Variants in EBP observed in about 807,000 individuals in gnomAD.
The protein encoded by EBP is 3-beta-hydroxysteroid-Delta(8),Delta(7)-isomerase.
In EBP, 1 loss-of-function variant was observed where a neutral mutation model predicts 14.1. The ratio of observed to expected loss-of-function variants is 0.07; its 90% CI spans 0.03 to 0.34. The LOEUF (loss-of-function observed/expected upper bound fraction) is 0.34, where lower values mean the gene tolerates loss of function less well. Ranked by LOEUF, EBP falls within the 10% of genes least tolerant of loss-of-function variation. EBP has a pLI of 0.99. For synonymous variants in EBP, 72 were observed against 77.7 expected, an observed-to-expected ratio of 0.93 and a Z score of 0.38; for missense variants, 123 against 184.6, an observed-to-expected ratio of 0.67 and a Z score of 1.93.
chrX:48,526,884 T>C, intron 2 of EBP, 105 bp from the exon 3 acceptor site: 3 of 914,346 alleles, frequency 3.3e-6, no homozygotes, highest in South Asian at 3.9e-5. Context: ...AGCAGACGCA[T>C]GGGAAGGTTA....
chrX:48,523,752 A>G lies in EBP; in HGVS notation c.-20A>G, dbSNP rs781869569. ...TTTAACTTCCTGCCTATACACACGCAGCCATCAGCCCACAAAGACATGACT... is the reference window on the plus strand; with the variant it reads ...TTTAACTTCCTGCCTATACACACGCGGCCATCAGCCCACAAAGACATGACT... On this transcript the variant is annotated 5_prime_UTR_variant, in exon 2 of 5. Transcript: ENST00000495186. 2.5e-5 allele frequency: 29 copies of G among 1,165,843 alleles called. No individual in the cohort carries two copies. Among genetic ancestry groups the G allele is most frequent in the Non-Finnish European group, 3.1e-5 (27 of 871,141 alleles).
At position 48,528,276 on chromosome X, in the gene EBP, G is replaced by A. The variant is rs144209735; in HGVS notation, c.512G>A (p.Arg171His). The change falls in exon 5 of 5, where the codon CGC becomes CAC. Residue 171 changes from arginine (R) to histidine (H), a missense_variant. Physicochemically the swap from Arg to His is conservative, Grantham distance 29. Transcript: ENST00000495186. ...GDVLYFLTEH[R>H]DGFQHGELGH... ...GTGCTCTACTTCCTGACAGAGCACC[G>A]CGACGGATTCCAGCACGGAGAGCTG... The A allele has an allele frequency of 9.6e-5, 116 of 1,209,898 alleles. No individual in the cohort carries two copies. In the African/African-American group the frequency reaches 1.6e-3, roughly 17 times the overall value.
rs181299601 is a variant in EBP at position 48,526,977 on chromosome X, T to C, written c.302-12T>C. The C allele has an allele frequency of 6.4e-5, 77 of 1,209,961 alleles. No individual in the cohort carries two copies. The East Asian group carries it at 2.2e-3, about 35-fold the overall frequency. ...GCCTTTATTCTTCATATCTCTCTCTTCTTTTCTTCAGGGAAAGAGTATGCC... is the reference window on the plus strand; with the variant it reads ...GCCTTTATTCTTCATATCTCTCTCTCCTTTTCTTCAGGGAAAGAGTATGCC... On this transcript the variant is annotated splice_polypyrimidine_tract_variant and intron_variant, in intron 2 of 4. Coordinates refer to ENST00000495186, the MANE Select transcript of EBP (RefSeq NM_006579.3).
intron 2 of EBP, among the ~76,000 whole-genome samples, chrX:48,526,342 C>CT (rs143091554): frequency 0.024 from 2,150 of 89,094 alleles, 79 homozygotes; most frequent in African/African-American, 0.07. Context: ...TTCTTTCTTT[C>CT]TTTTTTTTTT....
chrX:48,528,220 C>T lies in EBP; in HGVS notation c.470-14C>T, dbSNP rs1556977733. 4.2e-6 allele frequency: 5 copies of T among 1,202,881 alleles called. No homozygotes were observed. The highest frequency in any genetic ancestry group is 4.6e-4 in the Middle Eastern group (2 of 4,329). On this transcript the variant is annotated splice_polypyrimidine_tract_variant and intron_variant, in intron 4 of 4. Transcript: ENST00000495186. The stretch of plus-strand genomic sequence containing the variant: ...CCTCACTGGGGCTTCTCCTTCCCCT[C>T]CTGCCACCCACAGGCCAGATCTATG...
rs552266270 is a variant in EBP at position 48,528,604 on chromosome X, G to A, written c.*147G>A. ...GGGCAGGCACAAGAAGGGGAATAAA[G>A]GGGCTGTGTGAAGGCACTGCTGGGA... On this transcript the variant is annotated 3_prime_UTR_variant, in exon 5 of 5. Coordinates refer to ENST00000495186, the MANE Select transcript of EBP (RefSeq NM_006579.3). 1.0e-3 allele frequency: 567 copies of A among 553,632 alleles called. 3 individuals carry two copies. The South Asian group carries it at 0.011, about 11-fold the overall frequency. 45.6% of individuals were successfully genotyped at this position (553,632 alleles called of 1,213,427 possible).
rs183610626 is a variant in EBP at position 48,521,847 on chromosome X, G to C, written c.-134G>C. 103 of 113,923 alleles carry C rather than the reference G, an allele frequency of 9.0e-4. No homozygotes were observed. Among genetic ancestry groups the C allele is most frequent in the Non-Finnish European group, 1.1e-3 (58 of 53,394 alleles). The allele number at this position is 113,923 out of a possible 1,213,427, so 9.4% of individuals were successfully genotyped here. ...CCGAACTAGGGATGTGACAGAGCGC[G>C]AGACCCAGCCTAAAGAGAGCCCGGA... is the stretch of plus-strand genomic sequence containing the variant. On this transcript the variant is annotated 5_prime_UTR_variant, in exon 1 of 5. Coordinates refer to ENST00000495186, the MANE Select transcript of EBP (RefSeq NM_006579.3).
chrX:48,527,334 G>T (rs782154327), intron 4 of EBP, 49 bp downstream of exon 4: 2 of 1,208,111 alleles, frequency 1.7e-6, no homozygotes, highest in Non-Finnish European at 1.1e-6. Context: ...GGGTTGATGG[G>T]GGATCCACAG....
chrX:48,527,659 G>A (rs1556977661), intron 4 of EBP: 1 of 230,546 alleles, frequency 4.3e-6, no homozygotes, highest in Non-Finnish European at 7.8e-6. Flanking sequence ...AGGCCAGAGT[G>A]CTATGGTGTG....
intron 3 of EBP, 27 bp downstream of exon 3, chrX:48,527,052 A>G (rs782274637): frequency 8.3e-7 from 1 of 1,211,292 alleles, no homozygotes; most frequent in South Asian, 1.8e-5. Flanking sequence ...GTCAATGGAG[A>G]CTGGCATTGG....
Position 48,526,882 on chromosome X carries a change from C to T in EBP, c.302-107C>T, listed in dbSNP as rs781925870. The T allele has an allele frequency of 7.9e-6, 7 of 891,430 alleles. No individual in the cohort carries two copies. In the East Asian group the frequency reaches 1.9e-4, roughly 24 times the overall value. The allele number at this position is 891,430 out of a possible 1,213,427, so 73.5% of individuals were successfully genotyped here. On this transcript the variant is annotated intron_variant, in intron 2 of 4. Transcript: ENST00000495186. ...CATTTCACGGATGAGGAAGCAGACG[C>T]ATGGGAAGGTTATGAAGTCTGTCTT...
chrX:48,522,173 T>C (rs2061764371), intron 1 of EBP: 1 of 112,907 alleles, frequency 8.9e-6, no homozygotes, highest in Non-Finnish European at 1.9e-5. Context: ...GGCCTTTCAA[T>C]ATCCGTCTCT....
Position 48,523,900 on chromosome X carries a change from C to T in EBP, c.129C>T (p.Val43=), listed in dbSNP as rs782150594. 4.6e-5 allele frequency: 56 copies of T among 1,209,040 alleles called. No individual in the cohort carries two copies. The highest frequency in any genetic ancestry group is 6.0e-5 in the Non-Finnish European group (54 of 895,086). The change falls in exon 2 of 5, where the codon GTC becomes GTT. Residue 43 remains valine (V), a synonymous_variant. Transcript: ENST00000495186. Reference sequence around the variant, plus strand: ...TCTTCTCTGTCACAGGGGTCTTAGTCGTGACCACATGGCTGTTGTCAGGTC... The same window carrying T: ...TCTTCTCTGTCACAGGGGTCTTAGTTGTGACCACATGGCTGTTGTCAGGTC... ...AGLFSVTGVL[V]VTTWLLSGRA...
rs3048 is a variant in EBP, at chrX:48,523,786, G to A, written c.15G>A (p.Ala5=). 1.1e-5 allele frequency: 13 copies of A among 1,195,834 alleles called. No homozygotes were observed. Among genetic ancestry groups the A allele is most frequent in the Admixed American group, 2.3e-5 (1 of 43,807 alleles). ...CCCACAAAGACATGACTACCAACGC[G>A]GGCCCCTTGCACCCATACTGGCCTC... The part of the protein sequence containing the change: MTTN[A]GPLHPYWPQH... Residue 5 remains alanine (A), a synonymous_variant, in exon 2 of 5, where the codon GCG becomes GCA. Coordinates refer to ENST00000495186, the MANE Select transcript of EBP (RefSeq NM_006579.3).
rs1213856333 is a variant in EBP, at chrX:48,528,678, C to T, written c.*221C>T. On this transcript the variant is annotated 3_prime_UTR_variant, in exon 5 of 5. Coordinates refer to ENST00000495186, the MANE Select transcript of EBP (RefSeq NM_006579.3). Reference sequence around the variant, plus strand: ...GAAGCCAGGAGGTCTATGATGGTGACGATTTTTAAAATCAGGAAATAAAAG... The same window carrying T: ...GAAGCCAGGAGGTCTATGATGGTGATGATTTTTAAAATCAGGAAATAAAAG... The T allele has an allele frequency of 1.4e-5, 6 of 433,051 alleles. No homozygotes were observed. The highest frequency in any genetic ancestry group is 8.2e-5 in the Admixed American group (2 of 24,531). The allele number at this position is 433,051 out of a possible 1,213,427, so 35.7% of individuals were successfully genotyped here.
At chrX:48,525,805 G>A (rs1329099621) in intron 2 of EBP, among the ~76,000 whole-genome samples, 4 of 110,259 alleles carry the variant, frequency 3.6e-5, no homozygotes, top group Admixed American at 9.8e-5. Flanking sequence ...TTATAAACAA[G>A]GCCGGGCAGA....
At chrX:48,523,671 T>C in intron 1 of EBP, 28 bp from the exon 2 acceptor site, 1 of 870,381 alleles carries the variant, frequency 1.1e-6, no homozygotes, top group Non-Finnish European at 1.6e-6. Context: ...GATTTTATTA[T>C]CTCATTCTGT....
intron 1 of EBP, 48 bp downstream of exon 1, chrX:48,521,955 G>C (rs1268557493): frequency 1.8e-5 from 2 of 110,397 alleles, no homozygotes; most frequent in African/African-American, 3.3e-5. Context: ...GCTCTCCCCG[G>C]CTACGCGGCC....
intron 2 of EBP, chrX:48,524,923 G>A (rs1181961919): frequency 9.0e-6 from 1 of 111,423 alleles, no homozygotes; most frequent in Non-Finnish European, 1.9e-5. Context: ...TTTAACTCCT[G>A]GGCTCAAGCA....
Sources: gnomAD v4.1 joint callset for allele counts (sites outside exome capture counted in the v4.1 genomes callset) on GRCh38, gnomAD v4.1.1 for gene constraint, MANE v1.5 for transcripts, NCBI Gene and HGNC (gene_info 2026-07-23, HGNC 2026-07-21) for gene names.